The following B3GNT8 variants were observed in gnomAD, a reference collection of about 807,000 sequenced individuals.
B3GNT8 encodes the protein N-acetyllactosaminide beta-1,3-N-acetylglucosaminyltransferase 8.
For missense variants in B3GNT8, 502 were observed against 530.5 expected (o/e 0.95, Z 0.53); for synonymous variants, 258 against 238.3 (o/e 1.08, Z -0.76).
Position 41,425,551 on chromosome 19 carries a change from G to GCCAGGGCCGGGA in B3GNT8, c.*33_*34insTCCCGGCCCTGG, listed in dbSNP as rs766422422. The GCCAGGGCCGGGA allele has an allele frequency of 1.4e-6, 2 of 1,454,940 alleles. No homozygotes were observed. The highest frequency in any genetic ancestry group is 2.4e-5 in the East Asian group (1 of 41,392). 90.1% of individuals were successfully genotyped at this position (1,454,940 alleles called of 1,614,324 possible). On this transcript the variant is annotated 3_prime_UTR_variant, in exon 2 of 2. Coordinates refer to ENST00000691102, the MANE Select transcript of B3GNT8 (RefSeq NM_001385648.2). The stretch of plus-strand genomic sequence containing the variant: ...CCAGGGGCCGGCCCCAGAGGCCCAG[G>GCCAGGGCCGGGA]CCAGGTCAGCACCTCCGCCCTCCCC...
rs1284435265 is a variant in B3GNT8 at position 41,425,746 on chromosome 19, C to T, written c.1033G>A (p.Gly345Ser). Reference sequence around the variant, plus strand: ...CCTGGGTGGGCCTGGGGCACCAGGCCCAGGGCTCGGATGCAAAGGCCAGTG... The same window carrying T: ...CCTGGGTGGGCCTGGGGCACCAGGCTCAGGGCTCGGATGCAAAGGCCAGTG... ...VYTGLCIRALGLVPQAHPGFL... is the reference protein window; with the variant it reads ...VYTGLCIRALSLVPQAHPGFL... The change falls in exon 2 of 2, where the codon GGC (glycine) becomes AGC (serine). Residue 345 changes from glycine to serine, a missense_variant. Transcript: ENST00000691102. The T allele has an allele frequency of 2.5e-6, 4 of 1,595,060 alleles. No individual in the cohort carries two copies. The African/African-American group carries it at 4.0e-5, about 16-fold the overall frequency.
rs1599968554 is a variant in B3GNT8 at position 41,426,639 on chromosome 19, G to T, written c.140C>A (p.Pro47Gln). The T allele has an allele frequency of 1.9e-6, 3 of 1,613,496 alleles. No homozygotes were observed. The highest frequency in any genetic ancestry group is 1.7e-6 in the Non-Finnish European group (2 of 1,179,752). ...SPRGTPPSPT[P>Q]ANPEPTLPAN... The stretch of plus-strand genomic sequence containing the variant: ...AGGTAGGGTGGGCTCAGGGTTGGCT[G>T]GCGTGGGGCTTGGCGGGGTGCCCCG... The change falls in exon 2 of 2, where the codon CCA (proline) becomes CAA (glutamine). Residue 47 changes from proline (P) to glutamine (Q), a missense_variant. Coordinates refer to ENST00000691102, the MANE Select transcript of B3GNT8 (RefSeq NM_001385648.2). This position sits in a 1 kb window ranked among gnomAD's most constrained non-coding sequence, Gnocchi z 4.9.
chr19:41,426,556 G>T lies in B3GNT8; in HGVS notation c.223C>A (p.Gln75Lys). ...TIPLPFAYWNQQQWRLGSLPS... is the reference protein window; with the variant it reads ...TIPLPFAYWNKQQWRLGSLPS... ...AGGGACCCCAGCCGCCACTGCTGCT[G>T]GTTCCAGTAAGCAAAGGGCAGCGGG... The change falls in exon 2 of 2, where the codon CAG (glutamine) becomes AAG (lysine). Residue 75 changes from glutamine (Q) to lysine (K), a missense_variant. Transcript: ENST00000691102. The surrounding 1 kb of genome is among the most constrained non-coding windows in gnomAD (Gnocchi z 4.9). 2 of 1,601,198 alleles carry T rather than the reference G, an allele frequency of 1.2e-6. No individual in the cohort carries two copies. The highest frequency in any genetic ancestry group is 1.7e-6 in the Non-Finnish European group (2 of 1,173,330).
In B3GNT8 at chr19:41,426,870, A is replaced by AC; in HGVS notation, c.-32-61_-32-60insG. 1 of 1,294,082 alleles carries AC rather than the reference A, an allele frequency of 7.7e-7. No homozygotes were observed. The highest frequency in any genetic ancestry group is 1.1e-6 in the Non-Finnish European group (1 of 923,410). The allele number at this position is 1,294,082 out of a possible 1,614,324, so 80.2% of individuals were successfully genotyped here. On this transcript the variant is annotated intron_variant, in intron 1 of 1. Coordinates refer to ENST00000691102, the MANE Select transcript of B3GNT8 (RefSeq NM_001385648.2). This position sits in a 1 kb window ranked among gnomAD's most constrained non-coding sequence, Gnocchi z 4.9. ...TTGGGGTGTGGGGATGGGCCTCCAGAGAGGGCCCAGCCAGGCCCCAGGCAG... is the reference window on the plus strand; with the variant it reads ...TTGGGGTGTGGGGATGGGCCTCCAGACGAGGGCCCAGCCAGGCCCCAGGCAG...
At chr19:41,428,640 C>G (rs558676644), upstream of B3GNT8, 2 of 152,448 alleles carry the variant, frequency 1.3e-5, no homozygotes, top group Non-Finnish European at 2.9e-5. This position sits in a 1 kb window ranked among gnomAD's most constrained non-coding sequence, Gnocchi z 6.1. Context: ...GGAACACAGT[C>G]TGTCAGCAGC....
chr19:41,428,105 G>C (rs536224913), upstream of B3GNT8, among the ~76,000 whole-genome samples: 4 of 152,096 alleles, frequency 2.6e-5, no homozygotes, highest in South Asian at 8.3e-4. The surrounding 1 kb of genome is among the most constrained non-coding windows in gnomAD (Gnocchi z 6.1). Flanking sequence ...TGGGGAAAGA[G>C]AGGTTGAGAG....
In B3GNT8 at chr19:41,426,196, G is replaced by A; in HGVS notation, c.583C>T (p.Leu195=). ...GSPVGEAGPD[L]DSLVAWESRR... is the part of the protein sequence containing the mutation. ...CTCTCCCAGGCCACTAGTGAGTCTA[G>A]GTCAGGCCCCGCCTCACCCACCGGA... Residue 195 remains leucine, a synonymous_variant, in exon 2 of 2, where the codon CTA becomes TTA. Coordinates refer to ENST00000691102, the MANE Select transcript of B3GNT8 (RefSeq NM_001385648.2). The surrounding 1 kb of genome is among the most constrained non-coding windows in gnomAD (Gnocchi z 4.9). 1 of 1,613,776 alleles carries A rather than the reference G, an allele frequency of 6.2e-7. No individual in the cohort carries two copies. The highest frequency in any genetic ancestry group is 8.5e-7 in the Non-Finnish European group (1 of 1,179,938).
Position 41,426,222 on chromosome 19 carries a change from G to C in B3GNT8, c.557C>G (p.Ser186Cys). The C allele has an allele frequency of 6.2e-7, 1 of 1,613,596 alleles. No homozygotes were observed. Among genetic ancestry groups the C allele is most frequent in the Non-Finnish European group, 8.5e-7 (1 of 1,179,942 alleles). The change falls in exon 2 of 2, where the codon TCT becomes TGT. Residue 186 changes from serine (S) to cysteine (C), a missense_variant. Coordinates refer to ENST00000691102, the MANE Select transcript of B3GNT8 (RefSeq NM_001385648.2). This position sits in a 1 kb window ranked among gnomAD's most constrained non-coding sequence, Gnocchi z 4.9. ...PGIRLLFLLGSPVGEAGPDLD... is the reference protein window; with the variant it reads ...PGIRLLFLLGCPVGEAGPDLD... ...GTCAGGCCCCGCCTCACCCACCGGA[G>C]ACCCTAGCAGGAAGAGCAGCCGGAT...
Position 41,425,444 on chromosome 19 carries a change from TGG to T in B3GNT8, c.*139_*140del. On this transcript the variant is annotated 3_prime_UTR_variant, in exon 2 of 2. Transcript: ENST00000691102. The stretch of plus-strand genomic sequence containing the variant: ...CATCTTTCCTGCCCAGGCCCCTGGC[TGG>T]GGGAGGCCAAGGAGTGGCTTAAGTT... The T allele has an allele frequency of 1.7e-6, 1 of 597,744 alleles. No individual in the cohort carries two copies. The highest frequency in any genetic ancestry group is 2.6e-6 in the Non-Finnish European group (1 of 384,696). 37.0% of individuals were successfully genotyped at this position (597,744 alleles called of 1,614,324 possible).
At position 41,425,901 on chromosome 19, in the gene B3GNT8, G is replaced by C; in HGVS notation, c.878C>G (p.Pro293Arg). ...LRKPGGPFYV[P>R]ESFFEGGYPA... is the part of the protein sequence containing the mutation. The stretch of plus-strand genomic sequence containing the variant: ...GTAGCCACCTTCGAAGAAGGACTCG[G>C]GCACATAGAAGGGTCCTCCTGGCTT... Residue 293 changes from proline to arginine, a missense_variant, in exon 2 of 2, where the codon CCC becomes CGC. Transcript: ENST00000691102. The C allele has an allele frequency of 2.8e-5, 45 of 1,613,222 alleles. No homozygotes were observed. The highest frequency in any genetic ancestry group is 3.8e-5 in the Non-Finnish European group (45 of 1,180,020).
chr19:41,427,914 G>T (rs899057067), upstream of B3GNT8, among the ~76,000 whole-genome samples: 1 of 151,856 alleles, frequency 6.6e-6, no homozygotes, highest in Non-Finnish European at 1.5e-5. This position sits in a 1 kb window ranked among gnomAD's most constrained non-coding sequence, Gnocchi z 5.6. Context: ...AGACATTGTG[G>T]AGAGGGAAGA....
Position 41,427,201 on chromosome 19 carries a change from T to G in B3GNT8, c.-33+83A>C. On this transcript the variant is annotated intron_variant, in intron 1 of 1. Coordinates refer to ENST00000691102, the MANE Select transcript of B3GNT8 (RefSeq NM_001385648.2). The surrounding 1 kb of genome is among the most constrained non-coding windows in gnomAD (Gnocchi z 5.6). ...GGAAATCAGGAGCGGGATTCCTAGC[T>G]CCCTGGGGTTAGAAACCCAGCCTGC... 1 of 202,884 alleles carries G rather than the reference T, an allele frequency of 4.9e-6. No homozygotes were observed. The highest frequency in any genetic ancestry group is 1.0e-5 in the Non-Finnish European group (1 of 98,078). 12.6% of individuals were successfully genotyped at this position (202,884 alleles called of 1,614,324 possible).
Position 41,425,445 on chromosome 19 carries a change from G to T in B3GNT8, c.*140C>A, listed in dbSNP as rs528704322. ...ATCTTTCCTGCCCAGGCCCCTGGCT[G>T]GGGGAGGCCAAGGAGTGGCTTAAGT... On this transcript the variant is annotated 3_prime_UTR_variant, in exon 2 of 2. Transcript: ENST00000691102. 2.2e-5 allele frequency: 13 copies of T among 598,566 alleles called. No individual in the cohort carries two copies. Among genetic ancestry groups the T allele is most frequent in the Non-Finnish European group, 3.1e-5 (12 of 385,748 alleles). 37.1% of individuals were successfully genotyped at this position (598,566 alleles called of 1,614,324 possible). A position where few individuals can be genotyped will look rare whatever the true frequency, so the allele number is the denominator to read the frequency against.
chr19:41,425,826 G>A lies in B3GNT8; in HGVS notation c.953C>T (p.Pro318Leu). The change falls in exon 2 of 2, where the codon CCC (proline) becomes CTC (leucine). Residue 318 changes from proline (P) to leucine (L), a missense_variant. Transcript: ENST00000691102. ...ACGGGCTGCCGCCCGCAGCAGCCAG[G>A]GTGCCAGGCGCCCGGCAATGACGTA... ...GGYVIAGRLAPWLLRAAARVA... is the reference protein window; with the variant it reads ...GGYVIAGRLALWLLRAAARVA... 1 of 1,613,024 alleles carries A rather than the reference G, an allele frequency of 6.2e-7. No individual in the cohort carries two copies. Among genetic ancestry groups the A allele is most frequent in the South Asian group, 1.1e-5 (1 of 91,086 alleles).
Position 41,425,683 on chromosome 19 carries a change from G to A in B3GNT8, c.1096C>T (p.His366Tyr), listed in dbSNP as rs761930038. The A allele has an allele frequency of 2.6e-6, 4 of 1,546,304 alleles. No homozygotes were observed. Among genetic ancestry groups the A allele is most frequent in the Non-Finnish European group, 3.5e-6 (4 of 1,148,136 alleles). Residue 366 changes from histidine (H) to tyrosine (Y), a missense_variant, in exon 2 of 2, where the codon CAC (histidine) becomes TAC (tyrosine). Coordinates refer to ENST00000691102, the MANE Select transcript of B3GNT8 (RefSeq NM_001385648.2). ...TAWPADRTAD[H>Y]CAFRNLLLVR... is the part of the protein sequence containing the mutation. ...AGCAGCAGGTTGCGGAAAGCACAGT[G>A]GTCCGCAGTGCGGTCTGCTGGCCAG...
Position 41,425,549 on chromosome 19 carries a change from A to AGGCCAGGGCCTG in B3GNT8, c.*35_*36insCAGGCCCTGGCC. Reference sequence around the variant, plus strand: ...AGCCAGGGGCCGGCCCCAGAGGCCCAGGCCAGGTCAGCACCTCCGCCCTCC... The same window carrying AGGCCAGGGCCTG: ...AGCCAGGGGCCGGCCCCAGAGGCCCAGGCCAGGGCCTGGGCCAGGTCAGCACCTCCGCCCTCC... On this transcript the variant is annotated 3_prime_UTR_variant, in exon 2 of 2. Coordinates refer to ENST00000691102, the MANE Select transcript of B3GNT8 (RefSeq NM_001385648.2). The AGGCCAGGGCCTG allele has an allele frequency of 7.1e-7, 1 of 1,404,230 alleles. No homozygotes were observed. Among genetic ancestry groups the AGGCCAGGGCCTG allele is most frequent in the African/African-American group, 1.5e-5 (1 of 68,112 alleles). 87.0% of individuals were successfully genotyped at this position (1,404,230 alleles called of 1,614,324 possible). A position where few individuals can be genotyped will look rare whatever the true frequency, so the allele number is the denominator to read the frequency against.
At position 41,426,969 on chromosome 19, in the gene B3GNT8, C is replaced by G. The variant is rs2039444691; in HGVS notation, c.-32-159G>C. 6.6e-6 allele frequency among the ~76,000 whole-genome samples: 1 copy of G among 152,160 alleles called. No homozygotes were observed. Among genetic ancestry groups the G allele is most frequent in the Non-Finnish European group, 1.5e-5 (1 of 68,024 alleles). ...TCTCGGTCCCAGATCCTAAACAGCT[C>G]CCCTGACCCAGGGACCTCGTTGGTC... is the stretch of plus-strand genomic sequence containing the variant. On this transcript the variant is annotated intron_variant, in intron 1 of 1. Transcript: ENST00000691102. The surrounding 1 kb of genome is among the most constrained non-coding windows in gnomAD (Gnocchi z 4.9).
At position 41,426,593 on chromosome 19, in the gene B3GNT8, C is replaced by T. The variant is rs769057117; in HGVS notation, c.186G>A (p.Leu62=). The change falls in exon 2 of 2, where the codon CTG becomes CTA. Residue 62 remains leucine (L), a synonymous_variant. Transcript: ENST00000691102. This position sits in a 1 kb window ranked among gnomAD's most constrained non-coding sequence, Gnocchi z 4.9. ...PTLPANLSTR[L]GQTIPLPFAY... ...CAAAGGGCAGCGGGATAGTCTGGCC[C>T]AGGCGGGTGGAGAGGTTGGCAGGTA... 32 of 1,609,282 alleles carry T rather than the reference C, an allele frequency of 2.0e-5. No individual in the cohort carries two copies. In the Admixed American group the frequency reaches 5.1e-4, roughly 25 times the overall value.
rs757094304 is a variant in B3GNT8 at position 41,425,939 on chromosome 19, G to A, written c.840C>T (p.Ala280=). ...SLYLGEVFTQ[A]MPLRKPGGPF... ...GTCCTCCTGGCTTCCGGAGAGGCATGGCCTGGGTAAAGACCTCACCCAGGT... is the reference window on the plus strand; with the variant it reads ...GTCCTCCTGGCTTCCGGAGAGGCATAGCCTGGGTAAAGACCTCACCCAGGT... The change falls in exon 2 of 2, where the codon GCC becomes GCT. Residue 280 remains alanine, a synonymous_variant. Coordinates refer to ENST00000691102, the MANE Select transcript of B3GNT8 (RefSeq NM_001385648.2). The A allele has an allele frequency of 1.9e-6, 3 of 1,613,182 alleles. No homozygotes were observed. The highest frequency in any genetic ancestry group is 2.5e-6 in the Non-Finnish European group (3 of 1,180,020).
Sources: allele counts gnomAD v4.1 joint callset (sites outside exome capture counted in the v4.1 genomes callset), GRCh38; gene constraint gnomAD v4.1.1; non-coding constraint Gnocchi (gnomAD v3.1); transcripts MANE v1.5; gene names NCBI Gene and HGNC (gene_info 2026-07-23, HGNC 2026-07-21).